Variants in TNXB observed in about 807,000 individuals in gnomAD.
TNXB encodes tenascin XB.
TNXB carries 183 observed loss-of-function variants against 340.5 expected under a neutral mutation model. That is an observed-to-expected ratio of 0.54 (90% CI 0.48 to 0.61). The LOEUF (loss-of-function observed/expected upper bound fraction) is 0.61, where lower values mean the gene tolerates loss of function less well. TNXB is among the 20% of genes least tolerant of loss of function. The pLI is 0.00. For synonymous variants in TNXB, 2,121 were observed against 2,314.5 expected (o/e 0.92, Z 2.40); for missense variants, 4,613 against 5,446.4 (o/e 0.85, Z 4.82).
Position 32,048,660 on chromosome 6 carries a change from G to A in TNXB, c.9758-10C>T. The A allele has an allele frequency of 6.9e-7, 1 of 1,456,818 alleles. No individual in the cohort carries two copies. Among genetic ancestry groups the A allele is most frequent in the Non-Finnish European group, 9.1e-7 (1 of 1,098,946 alleles). The allele number at this position is 1,456,818 out of a possible 1,614,324, so 90.2% of individuals were successfully genotyped here. On this transcript the variant is annotated splice_polypyrimidine_tract_variant and intron_variant, in intron 28 of 43. Transcript: ENST00000644971. ...GGTGTGGGCAGGGGCGCTGAAAAGA[G>A]CAGAGCAGGCCCATGGGTCAGGAGG...
rs574769312 is a variant in TNXB, at chr6:32,058,794, T to C, written c.7493-404A>G. Reference sequence around the variant, plus strand: ...ATGTGTCAGGAACACAAATGACCCGTAGAAGATGATTAATTTTGTTATAGT... The same window carrying C: ...ATGTGTCAGGAACACAAATGACCCGCAGAAGATGATTAATTTTGTTATAGT... On this transcript the variant is annotated intron_variant, in intron 21 of 43. Coordinates refer to ENST00000644971, the MANE Select transcript of TNXB (RefSeq NM_001365276.2). This position sits in a 1 kb window ranked among gnomAD's most constrained non-coding sequence, Gnocchi z 5.1. Among the ~76,000 whole-genome samples, 1 of 152,006 alleles carries C rather than the reference T, an allele frequency of 6.6e-6. No individual in the cohort carries two copies. Among genetic ancestry groups the C allele is most frequent in the Admixed American group, 6.5e-5 (1 of 15,294 alleles).
In TNXB at chr6:32,046,456, G is replaced by A; in HGVS notation, c.10325C>T (p.Ala3442Val). 6.4e-7 allele frequency: 1 copy of A among 1,570,194 alleles called. No homozygotes were observed. Among genetic ancestry groups the A allele is most frequent in the Non-Finnish European group, 8.7e-7 (1 of 1,151,424 alleles). The change falls in exon 31 of 44, where the codon GCT becomes GTT. Residue 3442 changes from alanine to valine, a missense_variant and splice_region_variant. By Grantham distance (64) the Ala-to-Val change is moderately conservative. This residue lies in a region of TNXB where 4,327 missense variants were observed against 4,859.4 expected (regional missense o/e 0.89). Coordinates refer to ENST00000644971, the MANE Select transcript of TNXB (RefSeq NM_001365276.2). The surrounding 1 kb of genome is among the most constrained non-coding windows in gnomAD (Gnocchi z 6.9). ...LGPISADSTT[A>V]PLEKELPPHL... is the part of the protein sequence containing the mutation. ...GGGAGGTAGCTCCTTCTCCAGGGGAGCTGTGCAGAGGGAGGAGGGAAAGCT... is the reference window on the plus strand; with the variant it reads ...GGGAGGTAGCTCCTTCTCCAGGGGAACTGTGCAGAGGGAGGAGGGAAAGCT...
rs1779449317 is a variant in TNXB at position 32,081,627 on chromosome 6, C to T, written c.3783G>A (p.Gln1261=). Residue 1261 remains glutamine (Q), a synonymous_variant, in exon 10 of 44, where the codon CAG becomes CAA. Transcript: ENST00000644971. This position sits in a 1 kb window ranked among gnomAD's most constrained non-coding sequence, Gnocchi z 5.1. The stretch of plus-strand genomic sequence containing the variant: ...TCACTGTCAGTTCCCCCAGGAGGGG[C>T]TGCTCCAGGAACTCAGGGCGGGGGG... The part of the protein sequence containing the change: ...EEPPRPEFLE[Q]PLLGELTVTG... 2 of 1,599,076 alleles carry T rather than the reference C, an allele frequency of 1.3e-6. No individual in the cohort carries two copies. The highest frequency in any genetic ancestry group is 1.7e-6 in the Non-Finnish European group (2 of 1,173,456).
In TNXB at chr6:32,081,446, C is replaced by T. The variant is rs1280340355; in HGVS notation, c.3964G>A (p.Asp1322Asn). 8.9e-6 allele frequency: 14 copies of T among 1,580,612 alleles called. No individual in the cohort carries two copies. Among genetic ancestry groups the T allele is most frequent in the South Asian group, 2.3e-5 (2 of 86,232 alleles). Residue 1322 changes from aspartate (D) to asparagine (N), a missense_variant, in exon 10 of 44, where the codon GAC becomes AAC. By Grantham distance (23) the Asp-to-Asn change is conservative. Transcript: ENST00000644971. The surrounding 1 kb of genome is among the most constrained non-coding windows in gnomAD (Gnocchi z 5.1). ...NEVTVPGLDP[D>N]RKYKMNLYGL... is the part of the protein sequence containing the mutation. ...TAGAGGTTCATCTTATACTTCCGGT[C>T]GGGATCCAGGCCGGGGACAGTAACC...
Position 32,051,833 on chromosome 6 carries a change from A to G in TNXB, c.9115+837T>C, listed in dbSNP as rs553899078. Among the ~76,000 whole-genome samples the G allele has an allele frequency of 1.2e-4, 19 of 152,356 alleles. 1 individual carries two copies. The South Asian group carries it at 3.7e-3, about 30-fold the overall frequency. Reference sequence around the variant, plus strand: ...TTTAATGAAATGAACCATTCAAAAAAGACAAATATTGTATGATTGCACTTA... The same window carrying G: ...TTTAATGAAATGAACCATTCAAAAAGGACAAATATTGTATGATTGCACTTA... On this transcript the variant is annotated intron_variant, in intron 26 of 43. Transcript: ENST00000644971. This position sits in a 1 kb window ranked among gnomAD's most constrained non-coding sequence, Gnocchi z 4.7.
chr6:32,078,727 G>A, intron 11 of TNXB: 1 of 394,066 alleles, frequency 2.5e-6, no homozygotes, highest in Non-Finnish European at 4.6e-6. Context: ...GACACTGGCA[G>A]CATATTTACT....
chr6:32,048,279 T>G (rs987343185), intron 29 of TNXB, 84 bp downstream of exon 29: 7 of 1,375,958 alleles, frequency 5.1e-6, no homozygotes, highest in African/African-American at 4.3e-5. Flanking sequence ...AGGACTGGAG[T>G]GTGGGGCACA....
intron 6 of TNXB, among the ~76,000 whole-genome samples, chr6:32,086,881 A>C (rs142008217): frequency 2.0e-5 from 3 of 152,352 alleles, no homozygotes; most frequent in Non-Finnish European, 4.4e-5. Context: ...GTGAGTCAGA[A>C]CGGGAATCAC....
chr6:32,063,647 GTTC>G (rs941643198), intron 19 of TNXB, among the ~76,000 whole-genome samples: 16 of 152,320 alleles, frequency 1.1e-4, no homozygotes, highest in Admixed American at 4.6e-4. Context: ...AGTGATGCCA[GTTC>G]TTTTGGCCCG....
In TNXB at chr6:32,075,073, T is replaced by A. The variant is rs1205616311; in HGVS notation, c.4376-1121A>T. On this transcript the variant is annotated intron_variant, in intron 11 of 43. Transcript: ENST00000644971. This position sits in a 1 kb window ranked among gnomAD's most constrained non-coding sequence, Gnocchi z 4.6. ...AAACTCCACATCCGCCCTGTGGGTA[T>A]CCGCCTGTTGTCACTACCTTCAGAG... is the stretch of plus-strand genomic sequence containing the variant. 6.6e-6 allele frequency among the ~76,000 whole-genome samples: 1 copy of A among 152,220 alleles called. No individual in the cohort carries two copies. Among genetic ancestry groups the A allele is most frequent in the Non-Finnish European group, 1.5e-5 (1 of 68,040 alleles).
intron 6 of TNXB, 101 bp from the exon 7 acceptor site, chr6:32,086,219 T>G: frequency 7.5e-7 from 1 of 1,329,504 alleles, no homozygotes; most frequent in Non-Finnish European, 9.9e-7. Flanking sequence ...AAGAGCCTTG[T>G]TCTACTTCTA....
chr6:32,060,109 C>T (rs946755529), intron 21 of TNXB, among the ~76,000 whole-genome samples: 2 of 151,818 alleles, frequency 1.3e-5, no homozygotes, highest in Non-Finnish European at 2.9e-5. Context: ...CCGAGGCGGG[C>T]AGATCACCTG....
chr6:32,064,672 G>T lies in TNXB; in HGVS notation c.6841+149C>A. The T allele has an allele frequency of 8.4e-7, 1 of 1,192,950 alleles. No individual in the cohort carries two copies. Among genetic ancestry groups the T allele is most frequent in the Non-Finnish European group, 1.1e-6 (1 of 882,528 alleles). The allele number at this position is 1,192,950 out of a possible 1,614,324, so 73.9% of individuals were successfully genotyped here. ...GCAGAAGACCTGGGGCAATACCAAAGTCTCGGAGTGAAGGCACCAGCAGAA... is the reference window on the plus strand; with the variant it reads ...GCAGAAGACCTGGGGCAATACCAAATTCTCGGAGTGAAGGCACCAGCAGAA... On this transcript the variant is annotated intron_variant, in intron 19 of 43. Transcript: ENST00000644971. This position sits in a 1 kb window ranked among gnomAD's most constrained non-coding sequence, Gnocchi z 5.3.
rs757573988 is a variant in TNXB at position 32,073,706 on chromosome 6, T to G, written c.4622A>C (p.Asn1541Thr). The change falls in exon 12 of 44, where the codon AAC becomes ACC. Residue 1541 changes from asparagine to threonine, a missense_variant. Coordinates refer to ENST00000644971, the MANE Select transcript of TNXB (RefSeq NM_001365276.2). The surrounding 1 kb of genome is among the most constrained non-coding windows in gnomAD (Gnocchi z 4.6). Reference protein sequence around the residue: ...NLEPERKYKMNMYGLHDGQRM... With the variant: ...NLEPERKYKMTMYGLHDGQRM... The stretch of plus-strand genomic sequence containing the variant: ...TTGCCCATCATGTAGTCCATACATG[T>G]TCATCTTATATTTTCTCTCAGGCTC... 22 of 1,611,596 alleles carry G rather than the reference T, an allele frequency of 1.4e-5. No homozygotes were observed. The East Asian group carries it at 4.9e-4, about 36-fold the overall frequency.
In TNXB at chr6:32,079,036, T is replaced by C; in HGVS notation, c.4372A>G (p.Thr1458Ala). 6.2e-7 allele frequency: 1 copy of C among 1,611,624 alleles called. No individual in the cohort carries two copies. Among genetic ancestry groups the C allele is most frequent in the South Asian group, 1.1e-5 (1 of 90,978 alleles). ...CAGGCCCCTGCCCCTCACTCACCTG[T>C]CACGCCCACGGCGGACACCGGGCCC... ...RVGPVSAVGV[T>A]APQQEETPPA... Residue 1458 changes from threonine to alanine, a missense_variant, in exon 11 of 44, where the codon ACA becomes GCA. By Grantham distance (58) the Thr-to-Ala change is moderately conservative. This residue lies in a region of TNXB where 4,327 missense variants were observed against 4,859.4 expected (regional missense o/e 0.89). Coordinates refer to ENST00000644971, the MANE Select transcript of TNXB (RefSeq NM_001365276.2). This position sits in a 1 kb window ranked among gnomAD's most constrained non-coding sequence, Gnocchi z 7.1.
rs1040062586 is a variant in TNXB, at chr6:32,084,525, G to C, written c.3333C>G (p.Pro1111=). 5.0e-6 allele frequency: 8 copies of C among 1,609,236 alleles called. No homozygotes were observed. Among genetic ancestry groups the C allele is most frequent in the East Asian group, 4.5e-5 (2 of 44,884 alleles). ...GQPQVVPVEG[P]QRSAVITSLD... is the part of the protein sequence containing the mutation. ...GGGAGGTGATGACGGCCGAGCGCTG[G>C]GGTCCTTCCACGGGCACCACCTGGG... Residue 1111 remains proline (P), a synonymous_variant, in exon 8 of 44, where the codon CCC becomes CCG. Transcript: ENST00000644971. The surrounding 1 kb of genome is among the most constrained non-coding windows in gnomAD (Gnocchi z 5.5).
In TNXB at chr6:32,051,894, G is replaced by C. The variant is rs940347549; in HGVS notation, c.9115+776C>G. 2.6e-5 allele frequency among the ~76,000 whole-genome samples: 4 copies of C among 152,338 alleles called. No individual in the cohort carries two copies. Among genetic ancestry groups the C allele is most frequent in the African/African-American group, 7.2e-5 (3 of 41,570 alleles). On this transcript the variant is annotated intron_variant, in intron 26 of 43. Transcript: ENST00000644971. The surrounding 1 kb of genome is among the most constrained non-coding windows in gnomAD (Gnocchi z 4.7). Reference sequence around the variant, plus strand: ...CTAGAGTCAAATTCATAGAGACAGAGAGTAGAATGGTGTTGCCAGGGGCTG... The same window carrying C: ...CTAGAGTCAAATTCATAGAGACAGACAGTAGAATGGTGTTGCCAGGGGCTG...
chr6:32,062,149 C>T lies in TNXB; in HGVS notation c.7168+8G>A, dbSNP rs1778057043. On this transcript the variant is annotated splice_region_variant and intron_variant, in intron 20 of 43. Transcript: ENST00000644971. This position sits in a 1 kb window ranked among gnomAD's most constrained non-coding sequence, Gnocchi z 4.3. ...GCTCCCACCCTGGGGCTCCCATCGTCCACTCACCTGTCACCCCGATGGCAG... is the reference window on the plus strand; with the variant it reads ...GCTCCCACCCTGGGGCTCCCATCGTTCACTCACCTGTCACCCCGATGGCAG... The T allele has an allele frequency of 6.2e-7, 1 of 1,608,528 alleles. No homozygotes were observed. The highest frequency in any genetic ancestry group is 1.3e-5 in the African/African-American group (1 of 74,850).
Position 32,068,017 on chromosome 6 carries a change from T to A in TNXB, c.6221-33A>T. Reference sequence around the variant, plus strand: ...GGAGGAAGAGAGAGTGAGGGGGATGTCCTTGGGTACTGGGGAAAAGGAGGG... The same window carrying A: ...GGAGGAAGAGAGAGTGAGGGGGATGACCTTGGGTACTGGGGAAAAGGAGGG... On this transcript the variant is annotated intron_variant, in intron 17 of 43. Transcript: ENST00000644971. The surrounding 1 kb of genome is among the most constrained non-coding windows in gnomAD (Gnocchi z 5.3). 1 of 1,599,042 alleles carries A rather than the reference T, an allele frequency of 6.3e-7. No individual in the cohort carries two copies. Among genetic ancestry groups the A allele is most frequent in the Non-Finnish European group, 8.5e-7 (1 of 1,171,110 alleles).
Sources: gnomAD v4.1 joint callset for allele counts (sites outside exome capture counted in the v4.1 genomes callset) on GRCh38, gnomAD v4.1.1 for gene constraint, gnomAD v4.1.1 regional missense constraint, Gnocchi (gnomAD v3.1) non-coding constraint, MANE v1.5 for transcripts, NCBI Gene and HGNC (gene_info 2026-07-23, HGNC 2026-07-21) for gene names.